SDS: variants seen among roughly 807,000 people sequenced by gnomAD.
SDS encodes L-serine dehydratase/L-threonine deaminase.
A neutral mutation model predicts 29.3 loss-of-function variants in SDS; 19 were observed. That is an observed-to-expected ratio of 0.65 (90% confidence interval 0.45 to 0.95). The LOEUF (loss-of-function observed/expected upper bound fraction) is 0.95, where lower values mean the gene tolerates loss of function less well. SDS is among the 40% of genes least tolerant of loss of function. The pLI is 0.00. For synonymous variants in SDS, 176 were observed against 189.0 expected, an observed-to-expected ratio of 0.93 and a Z score of 0.56; for missense variants, 375 against 439.9, an observed-to-expected ratio of 0.85 and a Z score of 1.32.
At chr12:113,396,293 A>T (rs1460994336) in intron 6 of SDS, among the ~76,000 whole-genome samples, 2 of 151,988 alleles carry the variant, frequency 1.3e-5, no homozygotes, top group African/African-American at 4.8e-5. Context: ...TCAGTAAATG[A>T]TTCCTATGAG....
Position 113,394,589 on chromosome 12 carries a change from C to T in SDS, c.654-573G>A, listed in dbSNP as rs572677905. Among the ~76,000 whole-genome samples the T allele has an allele frequency of 1.5e-4, 23 of 152,242 alleles. 2 individuals are homozygous for T. In the South Asian group the frequency reaches 4.4e-3, roughly 29 times the overall value. On this transcript the variant is annotated intron_variant, in intron 6 of 7. Coordinates refer to ENST00000257549, the MANE Select transcript of SDS (RefSeq NM_006843.3). ...TCCTGACCTTAGGTGATCCACCCCCCTCGGCCTTCCAAAGTGCTGGGATTA... is the reference window on the plus strand; with the variant it reads ...TCCTGACCTTAGGTGATCCACCCCCTTCGGCCTTCCAAAGTGCTGGGATTA...
At chr12:113,396,479 T>C (rs1053002159) in intron 6 of SDS, among the ~76,000 whole-genome samples, 60 of 50,818 alleles carry the variant, frequency 1.2e-3, no homozygotes, top group Non-Finnish European at 1.9e-3. Flanking sequence ...TTTTCTTTCT[T>C]TCTCTCTCTT....
chr12:113,397,979 G>A (rs2136934550), intron 5 of SDS, among the ~76,000 whole-genome samples: 1 of 152,008 alleles, frequency 6.6e-6, no homozygotes, highest in East Asian at 1.9e-4. Flanking sequence ...CCTTGGGTGT[G>A]TTGCATGTGC....
chr12:113,403,394 C>T (rs537889575), intron 1 of SDS, among the ~76,000 whole-genome samples: 1 of 152,158 alleles, frequency 6.6e-6, no homozygotes, highest in African/African-American at 2.4e-5. Flanking sequence ...CGTGGTGGCA[C>T]ACGCCTGTAG....
chr12:113,402,361 C>T (rs1377516259), intron 1 of SDS, among the ~76,000 whole-genome samples: 3 of 152,180 alleles, frequency 2.0e-5, no homozygotes, highest in South Asian at 2.1e-4. Flanking sequence ...GGCATGATCT[C>T]GGCTCACTGC....
Position 113,398,597 on chromosome 12 carries a change from C to T in SDS, c.343G>A (p.Glu115Lys), listed in dbSNP as rs1957663540. ...TVKVVGELLDEAFELAKALAK... is the reference protein window; with the variant it reads ...TVKVVGELLDKAFELAKALAK... The stretch of plus-strand genomic sequence containing the variant: ...AGGGCCTTGGCCAGCTCGAAGGCTT[C>T]ATCCAATAACTGCAAAGCCACAGGG... The change falls in exon 5 of 8, where the codon GAA (glutamate) becomes AAA (lysine). Residue 115 changes from glutamate to lysine, a missense_variant. Coordinates refer to ENST00000257549, the MANE Select transcript of SDS (RefSeq NM_006843.3). 1.9e-6 allele frequency: 3 copies of T among 1,594,420 alleles called. No individual in the cohort carries two copies. The highest frequency in any genetic ancestry group is 1.8e-5 in the Admixed American group (1 of 56,658).
At chr12:113,403,613 C>A (rs1291628225) in intron 1 of SDS, among the ~76,000 whole-genome samples, 155 bp downstream of exon 1, 1 of 152,182 alleles carries the variant, frequency 6.6e-6, no homozygotes, top group African/African-American at 2.4e-5. Context: ...AAGCAACCCT[C>A]CCACCTCAGC....
At chr12:113,394,242 T>C (rs1957631229) in intron 6 of SDS, among the ~76,000 whole-genome samples, 1 of 151,942 alleles carries the variant, frequency 6.6e-6, no homozygotes, top group South Asian at 2.1e-4. Context: ...TGACATCATA[T>C]AGTATATTCT....
intron 1 of SDS, among the ~76,000 whole-genome samples, chr12:113,400,514 C>T (rs950677672): frequency 6.6e-6 from 1 of 151,582 alleles, no homozygotes; most frequent in African/African-American, 2.4e-5. Flanking sequence ...GTGAAAAATT[C>T]AGGGACACCC....
rs747366736 is a variant in SDS at position 113,393,849 on chromosome 12, G to T, written c.778+43C>A. The T allele has an allele frequency of 4.3e-6, 7 of 1,612,774 alleles. No individual in the cohort carries two copies. In the South Asian group the frequency reaches 7.7e-5, roughly 18 times the overall value. ...CATACCAAGTGGACAGCCACTTAGC[G>T]CCTGAGTCAGCAGGTCAGGTCATGG... is the stretch of plus-strand genomic sequence containing the variant. On this transcript the variant is annotated intron_variant, in intron 7 of 7. Coordinates refer to ENST00000257549, the MANE Select transcript of SDS (RefSeq NM_006843.3).
chr12:113,398,105 C>T (rs1180199298), intron 5 of SDS, among the ~76,000 whole-genome samples: 2 of 145,182 alleles, frequency 1.4e-5, no homozygotes, highest in African/African-American at 5.1e-5. Context: ...GAGTCTCACT[C>T]TCTTGCCCAG....
At chr12:113,403,211 C>T (rs543388366) in intron 1 of SDS, among the ~76,000 whole-genome samples, 10 of 152,230 alleles carry the variant, frequency 6.6e-5, no homozygotes, top group African/African-American at 2.4e-4. Flanking sequence ...ACTGCAGACT[C>T]GACCTCTTGG....
At chr12:113,394,636 G>C (rs767069692) in intron 6 of SDS, among the ~76,000 whole-genome samples, 2 of 151,984 alleles carry the variant, frequency 1.3e-5, no homozygotes, top group Non-Finnish European at 2.9e-5. Context: ...CACCATGCCC[G>C]ACCCCAGGCT....
intron 6 of SDS, among the ~76,000 whole-genome samples, chr12:113,395,281 C>G (rs921163084): frequency 2.0e-5 from 3 of 152,202 alleles, no homozygotes; most frequent in Non-Finnish European, 4.4e-5. Flanking sequence ...GGGCCTGAGC[C>G]ACCTCAGCCC....
At chr12:113,398,476 G>A in intron 5 of SDS, 39 bp downstream of exon 5, 3 of 1,356,214 alleles carry the variant, frequency 2.2e-6, no homozygotes, top group Non-Finnish European at 3.1e-6. Context: ...ATAGGGCAGT[G>A]GCTGCCACCC....
intron 1 of SDS, among the ~76,000 whole-genome samples, chr12:113,402,996 C>T (rs1203898903): frequency 6.6e-6 from 1 of 152,198 alleles, no homozygotes; most frequent in African/African-American, 2.4e-5. Flanking sequence ...CTGGGCTGGA[C>T]ACCTTAAGTG....
intron 1 of SDS, 111 bp from the exon 2 acceptor site, chr12:113,399,821 A>T: frequency 9.0e-7 from 1 of 1,109,856 alleles, no homozygotes; most frequent in Non-Finnish European, 1.2e-6. Context: ...GCCTCAGACG[A>T]GAGAGCATCC....
rs58461455 is a variant in SDS at position 113,394,961 on chromosome 12, G to A, written c.654-945C>T. Among the ~76,000 whole-genome samples, 1,015 of 152,238 alleles carry A rather than the reference G, an allele frequency of 6.7e-3. 7 individuals carry two copies. The highest frequency in any genetic ancestry group is 0.023 in the African/African-American group (951 of 41,538). ...ATAGTCCTCCCTGCTAGTAACAAGC[G>A]CCCTGAGTACTTCTTGAGAAAGTGT... On this transcript the variant is annotated intron_variant, in intron 6 of 7. Coordinates refer to ENST00000257549, the MANE Select transcript of SDS (RefSeq NM_006843.3).
intron 7 of SDS, 64 bp downstream of exon 7, chr12:113,393,828 C>T: frequency 1.2e-6 from 2 of 1,606,584 alleles, no homozygotes; most frequent in East Asian, 2.2e-5. Flanking sequence ...CAGTGGCATA[C>T]CAAGTGGACA....
Sources: gnomAD v4.1 joint callset for allele counts (sites outside exome capture counted in the v4.1 genomes callset) on GRCh38, gnomAD v4.1.1 for gene constraint, MANE v1.5 for transcripts, NCBI Gene and HGNC (gene_info 2026-07-23, HGNC 2026-07-21) for gene names.